ERMARD: variants seen among roughly 807,000 people sequenced by gnomAD.
ERMARD encodes the protein ER membrane associated RNA degradation, also known as endoplasmic reticulum membrane-associated RNA degradation protein.
In ERMARD, 71 loss-of-function variants were observed where a neutral mutation model predicts 83.9. The ratio of observed to expected loss-of-function variants is 0.85; its 90% CI spans 0.70 to 1.03. ERMARD has a LOEUF of 1.03. ERMARD is among the 50% of genes least tolerant of loss of function. The probability of loss-of-function intolerance (pLI) is 0.00; values close to 1 mark genes in which losing one functional copy is unlikely to be tolerated. For missense variants in ERMARD, 838 were observed against 810.9 expected (o/e 1.03, Z -0.41); for synonymous variants, 284 against 298.6 (o/e 0.95, Z 0.50).
At chr6:169,763,956 C>T (rs1791873587) in intron 9 of ERMARD, among the ~76,000 whole-genome samples, 1 of 152,238 alleles carries the variant, frequency 6.6e-6, no homozygotes, top group South Asian at 2.1e-4. Context: ...TTCCTCAGCA[C>T]CTCACATTTA....
intron 2 of ERMARD, among the ~76,000 whole-genome samples, chr6:169,754,801 T>C (rs1342604511): frequency 2.6e-5 from 4 of 152,132 alleles, no homozygotes; most frequent in African/African-American, 4.8e-5. Flanking sequence ...CCCAAACTTA[T>C]CAAAAAAAAT....
chr6:169,775,419 T>A (rs1793469745), intron 14 of ERMARD, 73 bp downstream of exon 14: 2 of 1,519,574 alleles, frequency 1.3e-6, no homozygotes, highest in African/African-American at 2.7e-5. Context: ...ATTTCTTCTT[T>A]AACGAGGCTG....
chr6:169,755,325 C>CTG lies in ERMARD; in HGVS notation c.225_226dup (p.Glu76ValfsTer11). 2 of 1,614,118 alleles carry CTG rather than the reference C, an allele frequency of 1.2e-6. No homozygotes were observed. The highest frequency in any genetic ancestry group is 1.7e-6 in the Non-Finnish European group (2 of 1,180,028). On this transcript the variant is annotated frameshift_variant, in exon 3 of 18. Coordinates refer to ENST00000366773, the MANE Select transcript of ERMARD (RefSeq NM_018341.3). LOFTEE classifies it high-confidence loss of function. The stretch of plus-strand genomic sequence containing the variant: ...TGGGGAAGCGTGAGGCTGCTGGGCC[C>CTG]TGTGTGTGAGGCTGTCCATTCACAT...
At chr6:169,751,480 C>A (rs1315903005), upstream of ERMARD, 3 of 1,612,310 alleles carry the variant, frequency 1.9e-6, no homozygotes, top group South Asian at 3.3e-5. Context: ...CTCCAAGACG[C>A]CCACCGCCTC....
At chr6:169,776,225 T>C in intron 15 of ERMARD, 160 bp downstream of exon 15, 1 of 1,516,468 alleles carries the variant, frequency 6.6e-7, no homozygotes, top group East Asian at 2.4e-5. Flanking sequence ...GTTTTGACAA[T>C]CTCTGTGCAA....
intron 8 of ERMARD, among the ~76,000 whole-genome samples, chr6:169,761,839 C>G (rs1162484781): frequency 3.3e-5 from 5 of 152,040 alleles, no homozygotes; most frequent in African/African-American, 1.2e-4. Flanking sequence ...TGCACCACCA[C>G]GCCTGGCTGA....
At chr6:169,751,735 G>T in intron 1 of ERMARD, 72 bp downstream of exon 1, 2 of 1,472,424 alleles carry the variant, frequency 1.4e-6, no homozygotes, top group East Asian at 2.6e-5. Flanking sequence ...GTGGTGCTCG[G>T]CTACGCGGAG....
At chr6:169,774,836 G>T (rs965647865) in intron 13 of ERMARD, among the ~76,000 whole-genome samples, 2 of 139,416 alleles carry the variant, frequency 1.4e-5, no homozygotes, top group African/African-American at 5.8e-5. Flanking sequence ...TGGGGGTCCT[G>T]CAGGGACAGT....
At chr6:169,771,077 C>CTTTTTTTTTTTTTTTTTTTTTTTT (rs60995171) in intron 12 of ERMARD, 1 of 141,262 alleles carries the variant, frequency 7.1e-6, no homozygotes, top group African/African-American at 2.6e-5. Flanking sequence ...TCTTTTCTTT[C>CTTTTTTTTTTTTTTTTTTTTTTTT]TTTTTTTTTT....
At chr6:169,758,610 G>A (rs1279684681) in intron 5 of ERMARD, among the ~76,000 whole-genome samples, 2 of 152,162 alleles carry the variant, frequency 1.3e-5, no homozygotes. Context: ...ATGCACATTT[G>A]AAGCAACTTT....
At chr6:169,754,512 A>G (rs900114296) in intron 2 of ERMARD, among the ~76,000 whole-genome samples, 1 of 152,232 alleles carries the variant, frequency 6.6e-6, no homozygotes, top group Non-Finnish European at 1.5e-5. Flanking sequence ...GGAATCCTTA[A>G]GACAGATACA....
At chr6:169,761,642 A>T (rs1455956101) in intron 8 of ERMARD, among the ~76,000 whole-genome samples, 2 of 151,988 alleles carry the variant, frequency 1.3e-5, no homozygotes, top group African/African-American at 4.8e-5. Context: ...TAAAATCACT[A>T]GTTAGTGAAA....
chr6:169,775,274 T>G lies in ERMARD; in HGVS notation c.1322T>G (p.Leu441Arg). ...HPVFQLKKQVLSCEESIRVWA... is the reference protein window; with the variant it reads ...HPVFQLKKQVRSCEESIRVWA... ...CAATAAAACATTTCCTCCCAGGTGC[T>G]GAGCTGTGAGGAGAGCATCAGGGTT... Residue 441 changes from leucine (L) to arginine (R), a missense_variant, in exon 14 of 18, where the codon CTG (leucine) becomes CGG (arginine). Coordinates refer to ENST00000366773, the MANE Select transcript of ERMARD (RefSeq NM_018341.3). 6.2e-7 allele frequency: 1 copy of G among 1,614,146 alleles called. No individual in the cohort carries two copies. Among genetic ancestry groups the G allele is most frequent in the Non-Finnish European group, 8.5e-7 (1 of 1,179,984 alleles).
chr6:169,759,640 T>TCACC (rs2128344851), intron 6 of ERMARD, among the ~76,000 whole-genome samples, 198 bp from the exon 7 acceptor site: 1 of 152,344 alleles, frequency 6.6e-6, no homozygotes, highest in South Asian at 2.1e-4. Flanking sequence ...CACACTGGTC[T>TCACC]CAGACTCCTG....
At chr6:169,777,930 C>A (rs7771373) in intron 16 of ERMARD, among the ~76,000 whole-genome samples, 1 of 152,094 alleles carries the variant, frequency 6.6e-6, no homozygotes, top group South Asian at 2.1e-4. Flanking sequence ...ATTTTCCAAC[C>A]TGCTTATTCC....
intron 12 of ERMARD, among the ~76,000 whole-genome samples, chr6:169,772,366 C>A (rs1039521497): frequency 1.3e-5 from 2 of 152,252 alleles, no homozygotes; most frequent in African/African-American, 4.8e-5. Context: ...AGCACACTCC[C>A]TGGTGCACTC....
chr6:169,751,562 C>A, upstream of ERMARD: 5 of 1,609,492 alleles, frequency 3.1e-6, no homozygotes, highest in Non-Finnish European at 4.2e-6. Context: ...GCGCCTCGTA[C>A]GGTAGGAAGT....
chr6:169,767,946 G>A (rs951223648), intron 10 of ERMARD, 157 bp from the exon 11 acceptor site: 1 of 620,352 alleles, frequency 1.6e-6, no homozygotes, highest in Non-Finnish European at 2.9e-6. Flanking sequence ...AATATTTCCT[G>A]AACACCTGTT....
chr6:169,777,140 G>C lies in ERMARD; in HGVS notation c.1739+467G>C, dbSNP rs186359819. 2.3e-3 allele frequency among the ~76,000 whole-genome samples: 346 copies of C among 152,318 alleles called. 2 individuals carry two copies. Among genetic ancestry groups the C allele is most frequent in the African/African-American group, 7.8e-3 (323 of 41,568 alleles). ...GTGAATACACAATTTACTTGTGAGT[G>C]GGGGTAGAGGAATAGTCACTTAGAC... is the stretch of plus-strand genomic sequence containing the variant. On this transcript the variant is annotated intron_variant, in intron 16 of 17. Coordinates refer to ENST00000366773, the MANE Select transcript of ERMARD (RefSeq NM_018341.3).
Sources: allele counts gnomAD v4.1 joint callset (sites outside exome capture counted in the v4.1 genomes callset), GRCh38; gene constraint gnomAD v4.1.1; transcripts MANE v1.5; gene names NCBI Gene and HGNC (gene_info 2026-07-23, HGNC 2026-07-21).